The following UBAP2 variants were observed in gnomAD, a reference collection of about 807,000 sequenced individuals.
UBAP2 encodes ubiquitin associated protein 2.
Under a neutral mutation model 139.6 loss-of-function variants are expected in UBAP2, and 75 were observed. The ratio of observed to expected loss-of-function variants is 0.54; its 90% CI spans 0.45 to 0.65. The LOEUF is 0.65. Ranked by LOEUF, UBAP2 falls within the 30% of genes least tolerant of loss-of-function variation. The pLI, the probability that UBAP2 is intolerant of heterozygous loss-of-function variation, is 0.00. For missense variants in UBAP2, 1,368 were observed against 1,369.6 expected (o/e 1.00, Z 0.02); for synonymous variants, 526 against 526.2 (o/e 1.00, Z 0.01).
At chr9:34,048,369 G>A (rs1351173868) in intron 1 of UBAP2, among the ~76,000 whole-genome samples, 1 of 152,212 alleles carries the variant, frequency 6.6e-6, no homozygotes, top group East Asian at 1.9e-4. Flanking sequence ...AAAGGTTAGA[G>A]AGCGCATAAG....
At chr9:33,939,645 G>A (rs1824915254) in intron 16 of UBAP2, among the ~76,000 whole-genome samples, 1 of 146,924 alleles carries the variant, frequency 6.8e-6, no homozygotes, top group African/African-American at 2.5e-5. Flanking sequence ...CCACTACTCG[G>A]GAGGCTGAGG....
chr9:33,937,876 C>T (rs1422408651), intron 16 of UBAP2, among the ~76,000 whole-genome samples: 1 of 152,012 alleles, frequency 6.6e-6, no homozygotes, highest in Non-Finnish European at 1.5e-5. Context: ...GAGCCGGGAC[C>T]GTGGCACTCC....
chr9:33,988,429 C>G (rs1821395931), intron 5 of UBAP2, among the ~76,000 whole-genome samples: 1 of 152,174 alleles, frequency 6.6e-6, no homozygotes, highest in Admixed American at 6.6e-5. Context: ...AGTGACAAAA[C>G]CTAGAAAACC....
Position 34,016,988 on chromosome 9 carries a change from T to C in UBAP2, c.99+62A>G, listed in dbSNP as rs184184909. 6.5e-3 allele frequency: 7,940 copies of C among 1,220,326 alleles called. 35 individuals carry two copies. Among genetic ancestry groups the C allele is most frequent in the Non-Finnish European group, 7.9e-3 (6,944 of 877,712 alleles). The allele number at this position is 1,220,326 out of a possible 1,614,324, so 75.6% of individuals were successfully genotyped here. ...ACAAGAGTTCCACATACCCTAAAAC[T>C]TCAAGTATAATAATAAAAGAAAAAA... On this transcript the variant is annotated intron_variant, in intron 2 of 28. Transcript: ENST00000379238.
chr9:33,923,408 C>G lies in UBAP2; in HGVS notation c.2867G>C (p.Ser956Thr), dbSNP rs764298263. The G allele has an allele frequency of 3.7e-6, 6 of 1,614,032 alleles. No individual in the cohort carries two copies. The Admixed American group carries it at 5.0e-5, about 13-fold the overall frequency. Residue 956 changes from serine to threonine, a missense_variant, in exon 25 of 29, where the codon AGT becomes ACT. Coordinates refer to ENST00000379238, the MANE Select transcript of UBAP2 (RefSeq NM_001370062.2). Reference protein sequence around the residue: ...STPTPPFQQASGYGQHGYSTG... With the variant: ...STPTPPFQQATGYGQHGYSTG... ...ACTGTAGCCGTGCTGGCCATAACCA[C>G]TGGCCTGCTGGAAGGGAGGTGTGGG...
At chr9:33,998,212 A>T (rs1822360340) in intron 3 of UBAP2, 1 of 152,300 alleles carries the variant, frequency 6.6e-6, no homozygotes, top group Non-Finnish European at 1.5e-5. Context: ...AGCCTAGGCA[A>T]CACTGCAGGA....
intron 2 of UBAP2, among the ~76,000 whole-genome samples, chr9:34,010,165 T>C: frequency 6.9e-6 from 1 of 145,410 alleles, no homozygotes. Flanking sequence ...GGCTCACACC[T>C]GTAATCCCAG....
rs1216353050 is a variant in UBAP2, at chr9:33,989,121, T to C, written c.294A>G (p.Ser98=). Reference sequence around the variant, plus strand: ...TTTTCTTACACCCTACAGTCTCCCATGAAGTCTATCAGAGAGAACGGCTGT... The same window carrying C: ...TTTTCTTACACCCTACAGTCTCCCACGAAGTCTATCAGAGAGAACGGCTGT... ...ILLEGNSDTT[S]WETVGCKKKN... is the part of the protein sequence containing the mutation. The change falls in exon 5 of 29, where the codon TCA becomes TCG. Residue 98 remains serine (S), a synonymous_variant. Coordinates refer to ENST00000379238, the MANE Select transcript of UBAP2 (RefSeq NM_001370062.2). The C allele has an allele frequency of 8.1e-6, 13 of 1,609,898 alleles. No individual in the cohort carries two copies. The highest frequency in any genetic ancestry group is 1.1e-5 in the South Asian group (1 of 90,230).
intron 2 of UBAP2, among the ~76,000 whole-genome samples, chr9:34,007,029 T>C (rs1823279830): frequency 6.6e-6 from 1 of 152,226 alleles, no homozygotes. Context: ...TTTTGTATCC[T>C]GCAACTTCAC....
Position 33,960,076 on chromosome 9 carries a change from C to A in UBAP2, c.798+750G>T, listed in dbSNP as rs576600272. ...TCCTGAGTAGCTGAGACTACAGATGCACAACCCCACACCCAGGTAATTTTT... is the reference window on the plus strand; with the variant it reads ...TCCTGAGTAGCTGAGACTACAGATGAACAACCCCACACCCAGGTAATTTTT... On this transcript the variant is annotated intron_variant, in intron 10 of 28. Transcript: ENST00000379238. Among the ~76,000 whole-genome samples, 16 of 152,084 alleles carry A rather than the reference C, an allele frequency of 1.1e-4. No individual in the cohort carries two copies. The East Asian group carries it at 1.2e-3, about 11-fold the overall frequency.
At chr9:34,041,461 T>C (rs1827076491) in intron 1 of UBAP2, among the ~76,000 whole-genome samples, 1 of 95,102 alleles carries the variant, frequency 1.1e-5, no homozygotes, top group Non-Finnish European at 2.0e-5. Context: ...GCAAACTCCA[T>C]CTCAAAAAAA....
Position 33,941,841 on chromosome 9 carries a change from TAAAG to T in UBAP2, c.1733_1736del (p.Ser578TyrfsTer3). On this transcript the variant is annotated frameshift_variant, in exon 16 of 29. Coordinates refer to ENST00000379238, the MANE Select transcript of UBAP2 (RefSeq NM_001370062.2). LOFTEE classifies it high-confidence loss of function. Reference sequence around the variant, plus strand: ...AGTTCTGTACTGCACTGGTCATTGATAAAGATGTATTCAAAGGCTCACTGAAAAG... The same window carrying T: ...AGTTCTGTACTGCACTGGTCATTGATATGTATTCAAAGGCTCACTGAAAAG... The T allele has an allele frequency of 6.2e-7, 1 of 1,613,562 alleles. No homozygotes were observed. The highest frequency in any genetic ancestry group is 8.5e-7 in the Non-Finnish European group (1 of 1,179,828).
intron 14 of UBAP2, 46 bp from the exon 15 acceptor site, chr9:33,943,635 C>T (rs760841424): frequency 6.2e-7 from 1 of 1,605,076 alleles, no homozygotes; most frequent in East Asian, 2.2e-5. Flanking sequence ...TCACAGATTC[C>T]AGGTCACAAA....
At chr9:33,949,718 C>T (rs1023685313) in intron 12 of UBAP2, among the ~76,000 whole-genome samples, 28 of 152,058 alleles carry the variant, frequency 1.8e-4, no homozygotes, top group Middle Eastern at 3.4e-3. Flanking sequence ...TGTGTGTGCG[C>T]GCATGCACGC....
Position 33,933,154 on chromosome 9 carries a change from C to G in UBAP2, c.2108+336G>C, listed in dbSNP as rs141210006. ...TGCTCAGAAATCCATCATTCTCATT[C>G]CACCTCAGTGACATGGGCCCAGCGA... On this transcript the variant is annotated intron_variant, in intron 18 of 28. Coordinates refer to ENST00000379238, the MANE Select transcript of UBAP2 (RefSeq NM_001370062.2). Among the ~76,000 whole-genome samples the G allele has an allele frequency of 3.3e-5, 5 of 152,310 alleles. No individual in the cohort carries two copies. In the East Asian group the frequency reaches 7.7e-4, roughly 24 times the overall value.
rs1170182976 is a variant in UBAP2, at chr9:34,014,324, CA to C, written c.99+2725del. Reference sequence around the variant, plus strand: ...ACTGGGCTACAGAGCGAGACTGTCTCAAAAAAAAAAAAAAAAAAAAAAAAGG... The same window carrying C: ...ACTGGGCTACAGAGCGAGACTGTCTCAAAAAAAAAAAAAAAAAAAAAAAGG... On this transcript the variant is annotated intron_variant, in intron 2 of 28. Transcript: ENST00000379238. Among the ~76,000 whole-genome samples, 364 of 55,564 alleles carry C rather than the reference CA, an allele frequency of 6.6e-3. 1 individual carries two copies. The highest frequency in any genetic ancestry group is 0.024 in the Middle Eastern group (1 of 42). 36.5% of individuals were successfully genotyped at this position (55,564 alleles called of 152,430 possible). A position where few individuals can be genotyped will look rare whatever the true frequency, so the allele number is the denominator to read the frequency against.
chr9:34,041,749 T>C (rs1827113973), intron 1 of UBAP2, among the ~76,000 whole-genome samples: 1 of 151,784 alleles, frequency 6.6e-6, no homozygotes, highest in African/African-American at 2.4e-5. Context: ...GGGGGCTGGG[T>C]GCAGTGGCTC....
chr9:33,937,294 A>G (rs1824639012), intron 16 of UBAP2, among the ~76,000 whole-genome samples: 1 of 152,140 alleles, frequency 6.6e-6, no homozygotes, highest in Non-Finnish European at 1.5e-5. Flanking sequence ...ATTATCTAGC[A>G]TGTAGTTGAG....
intron 1 of UBAP2, among the ~76,000 whole-genome samples, chr9:34,039,098 G>C (rs905981430): frequency 3.3e-5 from 5 of 150,572 alleles, no homozygotes; most frequent in African/African-American, 1.2e-4. Flanking sequence ...CACCCCGTCT[G>C]GGAAGTGAGG....
Sources: gnomAD v4.1 joint callset for allele counts (sites outside exome capture counted in the v4.1 genomes callset) on GRCh38, gnomAD v4.1.1 for gene constraint, MANE v1.5 for transcripts, NCBI Gene and HGNC (gene_info 2026-07-23, HGNC 2026-07-21) for gene names.